SLC24A2: variants seen among roughly 807,000 people sequenced by gnomAD.
SLC24A2 encodes solute carrier family 24 member 2.
In SLC24A2, 36 loss-of-function variants were observed where a neutral mutation model predicts 62.0. The observed-to-expected ratio is 0.58, with a 90% CI of 0.44 to 0.77. The LOEUF is 0.77. SLC24A2 is among the 30% of genes least tolerant of loss of function. The pLI is 0.00. For missense variants in SLC24A2, 846 were observed against 817.9 expected (o/e 1.03, Z -0.42); for synonymous variants, 358 against 294.0 (o/e 1.22, Z -2.23).
chr9:19,862,179 G>C, the SLC24A2 span, among the ~76,000 whole-genome samples: 6 of 152,146 alleles, frequency 3.9e-5, no homozygotes, highest in Non-Finnish European at 8.8e-5. Context: ...AAGGGTAAAG[G>C]ATTCTAAAAA....
the SLC24A2 span, among the ~76,000 whole-genome samples, chr9:19,936,988 C>G: frequency 6.6e-6 from 1 of 152,104 alleles, no homozygotes; most frequent in African/African-American, 2.4e-5. Context: ...TGTTCCCACA[C>G]ATATGTATTA....
chr9:19,946,286 G>C, the SLC24A2 span, among the ~76,000 whole-genome samples: 1 of 152,068 alleles, frequency 6.6e-6, no homozygotes, highest in Admixed American at 6.6e-5. Flanking sequence ...TTTTTAACCT[G>C]GTAAACTCAT....
the SLC24A2 span, among the ~76,000 whole-genome samples, chr9:19,861,419 C>A: frequency 0.58 from 88,198 of 151,978 alleles, 26,211 homozygotes; most frequent in Non-Finnish European, 0.64. Context: ...AGCTTACATC[C>A]TAATGCCCAA....
intron 8 of SLC24A2, among the ~76,000 whole-genome samples, chr9:19,540,595 T>C (rs1377506055): frequency 1.2e-4 from 18 of 147,114 alleles, no homozygotes; most frequent in Non-Finnish European, 2.1e-4. Flanking sequence ...TGATGGGCTT[T>C]CCTTTGAGGG....
the SLC24A2 span, among the ~76,000 whole-genome samples, chr9:20,290,528 G>A: frequency 2.3e-4 from 35 of 152,334 alleles, no homozygotes; most frequent in East Asian, 7.7e-4. Flanking sequence ...TGTGAGCTCT[G>A]GCTGGTGCAA....
intron 5 of SLC24A2, among the ~76,000 whole-genome samples, chr9:19,578,137 G>A (rs1160830514): frequency 6.6e-6 from 1 of 151,626 alleles, no homozygotes; most frequent in Non-Finnish European, 1.5e-5. Flanking sequence ...ATGGTGCAGT[G>A]TACATATGGT....
At chr9:20,074,593 GGAAGGAAGGAAAGA>G in the SLC24A2 span, among the ~76,000 whole-genome samples, 1 of 97,116 alleles carries the variant, frequency 1.0e-5, no homozygotes, top group Admixed American at 1.1e-4. Context: ...AAGGAAGGAA[GGAAGGAAGGAAAGA>G]AGGGAGTGAG....
At chr9:19,521,986 T>C in intron 9 of SLC24A2, among the ~76,000 whole-genome samples, 1 of 152,096 alleles carries the variant, frequency 6.6e-6, no homozygotes, top group South Asian at 2.1e-4. Flanking sequence ...AATTTGTTTG[T>C]CTTCTTGGGA....
At chr9:19,654,687 T>C (rs1019226473) in intron 2 of SLC24A2, among the ~76,000 whole-genome samples, 3 of 152,306 alleles carry the variant, frequency 2.0e-5, no homozygotes, top group Non-Finnish European at 4.4e-5. Context: ...TCCTTTTTTT[T>C]CATTTACCTA....
the SLC24A2 span, among the ~76,000 whole-genome samples, chr9:20,016,209 T>A: frequency 6.6e-6 from 1 of 152,224 alleles, no homozygotes; most frequent in African/African-American, 2.4e-5. Context: ...AAATATTATT[T>A]TTTTAGCTTG....
chr9:19,820,768 T>C, the SLC24A2 span, among the ~76,000 whole-genome samples: 1 of 151,858 alleles, frequency 6.6e-6, no homozygotes, highest in African/African-American at 2.4e-5. Context: ...GAGTAAAGTT[T>C]ATGTGATCAG....
At chr9:20,110,660 G>A in the SLC24A2 span, among the ~76,000 whole-genome samples, 4 of 151,942 alleles carry the variant, frequency 2.6e-5, no homozygotes, top group African/African-American at 7.3e-5. Flanking sequence ...CTTCTCTTTG[G>A]TGAATTGTCT....
the SLC24A2 span, among the ~76,000 whole-genome samples, chr9:20,286,810 T>C: frequency 2.0e-5 from 3 of 152,202 alleles, no homozygotes; most frequent in Admixed American, 6.5e-5. Context: ...AGTGTTTGGA[T>C]GCACTACAGA....
At chr9:20,191,184 G>C in the SLC24A2 span, among the ~76,000 whole-genome samples, 2 of 149,756 alleles carry the variant, frequency 1.3e-5, no homozygotes, top group Non-Finnish European at 3.0e-5. Flanking sequence ...TTGCAGGACA[G>C]ACAAGACCTT....
the SLC24A2 span, among the ~76,000 whole-genome samples, chr9:19,894,531 A>C: frequency 6.6e-6 from 1 of 152,152 alleles, no homozygotes; most frequent in Non-Finnish European, 1.5e-5. Context: ...CTCTAGCATA[A>C]TGTCTAGCAT....
chr9:20,101,590 TC>T, the SLC24A2 span, among the ~76,000 whole-genome samples: 1 of 152,126 alleles, frequency 6.6e-6, no homozygotes, highest in African/African-American at 2.4e-5. Flanking sequence ...AAGACTAAAC[TC>T]AGACATCTCT....
the SLC24A2 span, among the ~76,000 whole-genome samples, chr9:20,093,998 G>A: frequency 2.0e-5 from 3 of 152,102 alleles, no homozygotes; most frequent in Non-Finnish European, 4.4e-5. Context: ...AAAAAATAGT[G>A]TGGTCCCTGA....
At chr9:20,303,392 A>T in the SLC24A2 span, among the ~76,000 whole-genome samples, 1 of 152,166 alleles carries the variant, frequency 6.6e-6, no homozygotes, top group African/African-American at 2.4e-5. Context: ...ATCTTGTAAG[A>T]GTTTATTTAT....
the SLC24A2 span, among the ~76,000 whole-genome samples, chr9:19,805,972 C>CT: frequency 6.6e-6 from 1 of 151,872 alleles, no homozygotes; most frequent in African/African-American, 2.4e-5. Context: ...TGAATAAAGT[C>CT]TTTTTTTCCT....
Sources: gnomAD v4.1 joint callset for allele counts (sites outside exome capture counted in the v4.1 genomes callset) on GRCh38, gnomAD v4.1.1 for gene constraint, MANE v1.5 for transcripts, NCBI Gene and HGNC (gene_info 2026-07-23, HGNC 2026-07-21) for gene names.